The following KHDRBS1 variants were observed in gnomAD, a reference collection of about 807,000 sequenced individuals.
The protein encoded by KHDRBS1 is KH RNA binding domain containing, signal transduction associated 1, also known as KH domain-containing, RNA-binding, signal transduction-associated protein 1.
KHDRBS1 carries 7 observed loss-of-function variants against 48.4 expected under a neutral mutation model. That is an observed-to-expected ratio of 0.14 (90% CI 0.08 to 0.27). The LOEUF is 0.27. KHDRBS1 is among the 10% of genes least tolerant of loss of function. The pLI is 1.00. For missense variants in KHDRBS1, 458 were observed against 601.2 expected (o/e 0.76, Z 2.49); for synonymous variants, 241 against 235.8 (o/e 1.02, Z -0.20).
chr1:32,041,722 T>C (rs1639286497), intron 8 of KHDRBS1, among the ~76,000 whole-genome samples: 1 of 151,262 alleles, frequency 6.6e-6, no homozygotes, highest in Non-Finnish European at 1.5e-5. Flanking sequence ...CCTGAGTAGC[T>C]GGGATTACAG....
chr1:32,021,823 G>C (rs1638863498), intron 1 of KHDRBS1, among the ~76,000 whole-genome samples: 1 of 151,896 alleles, frequency 6.6e-6, no homozygotes, highest in Non-Finnish European at 1.5e-5. Context: ...GCTAAGTTTT[G>C]TATTTTTAGT....
downstream of KHDRBS1, among the ~76,000 whole-genome samples, chr1:32,046,468 G>T (rs1023663574): frequency 1.3e-5 from 2 of 152,162 alleles, no homozygotes; most frequent in African/African-American, 4.8e-5. Context: ...ACCCACCTTG[G>T]CCTCCCAAAG....
chr1:32,021,975 T>A (rs1339372481), intron 1 of KHDRBS1, among the ~76,000 whole-genome samples: 9 of 148,540 alleles, frequency 6.1e-5, no homozygotes. Flanking sequence ...TTTTTTTTTT[T>A]AAGGAGATGG....
At position 32,013,936 on chromosome 1, in the gene KHDRBS1, G is replaced by T. The variant is rs1638677749; in HGVS notation, c.-60G>T. Reference sequence around the variant, plus strand: ...CGCTCTGCCACCCCCGCCAACCGCCGCTCGGGCCTCCGTCGCTGCCGCGTC... The same window carrying T: ...CGCTCTGCCACCCCCGCCAACCGCCTCTCGGGCCTCCGTCGCTGCCGCGTC... On this transcript the variant is annotated 5_prime_UTR_variant, in exon 1 of 9. Transcript: ENST00000327300. The T allele has an allele frequency of 2.9e-6, 4 of 1,357,848 alleles. No individual in the cohort carries two copies. Among genetic ancestry groups the T allele is most frequent in the South Asian group, 1.7e-5 (1 of 59,262 alleles). The allele number at this position is 1,357,848 out of a possible 1,614,324, so 84.1% of individuals were successfully genotyped here. A position where few individuals can be genotyped will look rare whatever the true frequency, so the allele number is the denominator to read the frequency against.
intron 10 of KHDRBS1, among the ~76,000 whole-genome samples, chr1:32,051,897 T>A (rs1385886797): frequency 6.6e-6 from 1 of 152,166 alleles, no homozygotes; most frequent in Non-Finnish European, 1.5e-5. Flanking sequence ...GGGCTCACTG[T>A]CTTCTTGATA....
intron 1 of KHDRBS1, among the ~76,000 whole-genome samples, chr1:32,015,117 C>G (rs1638711715): frequency 6.6e-6 from 1 of 152,130 alleles, no homozygotes; most frequent in Non-Finnish European, 1.5e-5. Flanking sequence ...ATGACGTTTC[C>G]CAACGAGATG....
intron 1 of KHDRBS1, among the ~76,000 whole-genome samples, chr1:32,028,774 G>A (rs1639025057): frequency 6.6e-6 from 1 of 150,906 alleles, no homozygotes; most frequent in Non-Finnish European, 1.5e-5. Context: ...CAAAGTGCTG[G>A]GATTACAAGC....
intron 7 of KHDRBS1, 40 bp downstream of exon 7, chr1:32,038,659 A>C (rs367764423): frequency 1.3e-6 from 2 of 1,583,996 alleles, no homozygotes; most frequent in African/African-American, 2.7e-5. Context: ...TGTCCTGAGG[A>C]TGGATGGAGG....
At chr1:32,025,292 CTT>C (rs576339772) in intron 1 of KHDRBS1, among the ~76,000 whole-genome samples, 50 of 92,078 alleles carry the variant, frequency 5.4e-4, no homozygotes, top group African/African-American at 2.4e-3. Context: ...TCGGCTCCTC[CTT>C]TTTTTTTTTT....
At chr1:32,017,684 C>A (rs1413726445) in intron 1 of KHDRBS1, among the ~76,000 whole-genome samples, 1 of 148,798 alleles carries the variant, frequency 6.7e-6, no homozygotes, top group Non-Finnish European at 1.5e-5. Context: ...CTTGGCTCAC[C>A]GCAACCTCCA....
chr1:32,024,745 T>C (rs1638929864), intron 1 of KHDRBS1, among the ~76,000 whole-genome samples: 1 of 152,184 alleles, frequency 6.6e-6, no homozygotes, highest in Non-Finnish European at 1.5e-5. Context: ...CACTGAGTTA[T>C]TTTTGAGGAT....
Position 32,014,269 on chromosome 1 carries a change from A to G in KHDRBS1, c.274A>G (p.Thr92Ala), listed in dbSNP as rs1280914556. ...GACCCCGCTGCTGCCCCCCTCGGCC[A>G]CAGCCTCGGTCAAGATGGAGCCAGA... ...APTPLLPPSA[T>A]ASVKMEPENK... Residue 92 changes from threonine (T) to alanine (A), a missense_variant, in exon 1 of 9, where the codon ACA becomes GCA. Physicochemically the swap from Thr to Ala is moderately conservative, Grantham distance 58. Around this residue, in one of 3 missense-constraint regions of KHDRBS1, gnomAD observed 213 missense variants for 215.6 expected, o/e 0.99. Transcript: ENST00000327300. 3.9e-6 allele frequency: 6 copies of G among 1,546,196 alleles called. No homozygotes were observed. In the African/African-American group the frequency reaches 4.2e-5, roughly 11 times the overall value.
chr1:32,022,909 TTAA>T (rs1378391730), intron 1 of KHDRBS1, among the ~76,000 whole-genome samples: 1 of 151,942 alleles, frequency 6.6e-6, no homozygotes, highest in Non-Finnish European at 1.5e-5. Context: ...AAAAGTTCAG[TTAA>T]TGATATATTT....
intron 1 of KHDRBS1, among the ~76,000 whole-genome samples, chr1:32,018,426 A>T (rs1456914205): frequency 6.7e-6 from 1 of 150,048 alleles, no homozygotes; most frequent in Non-Finnish European, 1.5e-5. Flanking sequence ...GCACCACTGC[A>T]CTCCAGCCTG....
intron 1 of KHDRBS1, among the ~76,000 whole-genome samples, chr1:32,024,713 C>G (rs1298586812): frequency 1.3e-5 from 2 of 151,900 alleles, no homozygotes; most frequent in African/African-American, 4.8e-5. Flanking sequence ...TTTTTGTTGC[C>G]TCAGATGTAA....
chr1:32,045,033 G>A (rs1335836409), downstream of KHDRBS1, among the ~76,000 whole-genome samples: 1 of 152,096 alleles, frequency 6.6e-6, no homozygotes, highest in African/African-American at 2.4e-5. Context: ...GAACTGTAAC[G>A]TAACCTGGGC....
At chr1:32,049,792 G>T (rs1275139876) in intron 10 of KHDRBS1, among the ~76,000 whole-genome samples, 1 of 151,864 alleles carries the variant, frequency 6.6e-6, no homozygotes, top group Non-Finnish European at 1.5e-5. Flanking sequence ...CTCCCAAGCA[G>T]CTGGGAATAT....
intron 2 of KHDRBS1, 77 bp from the exon 3 acceptor site, chr1:32,031,447 A>G: frequency 2.2e-6 from 2 of 901,872 alleles, no homozygotes; most frequent in Non-Finnish European, 3.4e-6. Flanking sequence ...GGTTGTTTAA[A>G]ATCAAGTGAG....
At chr1:32,026,776 G>T (rs761162226) in intron 1 of KHDRBS1, among the ~76,000 whole-genome samples, 4 of 152,134 alleles carry the variant, frequency 2.6e-5, no homozygotes, top group African/African-American at 4.8e-5. Context: ...TAGATAAAAT[G>T]AAGTATCTAA....
Sources: gnomAD v4.1 joint callset for allele counts (sites outside exome capture counted in the v4.1 genomes callset) on GRCh38, gnomAD v4.1.1 for gene constraint, gnomAD v4.1.1 regional missense constraint, MANE v1.5 for transcripts, NCBI Gene and HGNC (gene_info 2026-07-23, HGNC 2026-07-21) for gene names.